The following RASAL2 variants were observed in gnomAD, a reference collection of about 807,000 sequenced individuals.
RASAL2 encodes the protein RAS protein activator like 2.
RASAL2 carries 58 observed loss-of-function variants against 128.9 expected under a neutral mutation model. The observed-to-expected ratio is 0.45, with a 90% CI of 0.36 to 0.56. The LOEUF is 0.56. RASAL2 is among the 20% of genes least tolerant of loss of function. The pLI is 0.00. For missense variants in RASAL2, 1,360 were observed against 1,601.6 expected (o/e 0.85, Z 2.57); for synonymous variants, 561 against 580.8 (o/e 0.97, Z 0.49).
chr1:178,099,668 A>G (rs963134427), intron 1 of RASAL2, among the ~76,000 whole-genome samples: 9 of 152,228 alleles, frequency 5.9e-5, no homozygotes, highest in Admixed American at 2.0e-4. Flanking sequence ...CTGCAGTTAA[A>G]CAAGTGAATA....
At chr1:178,283,521 A>T (rs775258572) in intron 1 of RASAL2, 43 bp from the exon 2 acceptor site, 3 of 1,596,912 alleles carry the variant, frequency 1.9e-6, no homozygotes, top group Non-Finnish European at 2.6e-6. Flanking sequence ...TTACTAAGCA[A>T]GATAATGATT....
chr1:178,419,899 T>C (rs190214166), intron 4 of RASAL2, among the ~76,000 whole-genome samples: 1 of 152,356 alleles, frequency 6.6e-6, no homozygotes, highest in Non-Finnish European at 1.5e-5. Flanking sequence ...CATTCAATAC[T>C]TAATTTTACA....
chr1:178,378,530 G>C (rs796597830), intron 3 of RASAL2, among the ~76,000 whole-genome samples: 5 of 152,034 alleles, frequency 3.3e-5, no homozygotes, highest in African/African-American at 1.2e-4. Context: ...ATAAAAACTG[G>C]CAATAGACCA....
At chr1:178,120,454 T>C (rs1659674937) in intron 1 of RASAL2, among the ~76,000 whole-genome samples, 1 of 152,164 alleles carries the variant, frequency 6.6e-6, no homozygotes. Context: ...GAGGCATAGA[T>C]GGAAGTGGTA....
In RASAL2 at chr1:178,277,297, T is replaced by C. The variant is rs933455536; in HGVS notation, c.203-6267T>C. Among the ~76,000 whole-genome samples the C allele has an allele frequency of 3.9e-5, 6 of 152,046 alleles. No individual in the cohort carries two copies. In the South Asian group the frequency reaches 1.0e-3, roughly 26 times the overall value. The stretch of plus-strand genomic sequence containing the variant: ...CCTCAGCTTCCCAAGTAGCTGGGAC[T>C]ACAGGCACGCACCACCATGCCTGGC... On this transcript the variant is annotated intron_variant, in intron 1 of 17. Coordinates refer to ENST00000367649, the MANE Select transcript of RASAL2 (RefSeq NM_170692.4).
chr1:178,138,713 G>A (rs1660421589), intron 1 of RASAL2, among the ~76,000 whole-genome samples: 1 of 152,114 alleles, frequency 6.6e-6, no homozygotes, highest in Non-Finnish European at 1.5e-5. Flanking sequence ...TAGACATGAA[G>A]TTATATGAAA....
At chr1:178,431,690 A>C (rs1459679305) in intron 5 of RASAL2, among the ~76,000 whole-genome samples, 2 of 151,962 alleles carry the variant, frequency 1.3e-5, no homozygotes, top group Non-Finnish European at 2.9e-5. Context: ...CAAGGACTGT[A>C]AATTATTACA....
intron 1 of RASAL2, among the ~76,000 whole-genome samples, chr1:178,101,586 G>A (rs1225692079): frequency 6.6e-6 from 1 of 152,194 alleles, no homozygotes; most frequent in Admixed American, 6.5e-5. Flanking sequence ...ACATAGATAA[G>A]ATAACAAAAT....
At chr1:178,146,611 G>A (rs2101869938) in intron 1 of RASAL2, among the ~76,000 whole-genome samples, 1 of 152,296 alleles carries the variant, frequency 6.6e-6, no homozygotes, top group South Asian at 2.1e-4. Context: ...GATTGAGCAG[G>A]AAATGTTTAT....
intron 1 of RASAL2, among the ~76,000 whole-genome samples, chr1:178,144,972 G>A (rs536757839): frequency 2.0e-4 from 30 of 152,298 alleles, no homozygotes; most frequent in African/African-American, 7.0e-4. Flanking sequence ...ACCTGATGTA[G>A]TAAGTTTAAC....
chr1:178,411,987 A>G, intron 4 of RASAL2: 1 of 556,744 alleles, frequency 1.8e-6, no homozygotes, highest in Non-Finnish European at 3.3e-6. Flanking sequence ...ACCCACAGGA[A>G]GTGGGGTCGC....
chr1:178,321,298 C>A (rs1402830020), intron 3 of RASAL2, among the ~76,000 whole-genome samples: 1 of 152,014 alleles, frequency 6.6e-6, no homozygotes, highest in African/African-American at 2.4e-5. Flanking sequence ...GTTGGCCAGG[C>A]TAGTCTCGAA....
At chr1:178,297,382 A>G (rs2102260941) in intron 2 of RASAL2, among the ~76,000 whole-genome samples, 1 of 151,658 alleles carries the variant, frequency 6.6e-6, no homozygotes, top group Non-Finnish European at 1.5e-5. Flanking sequence ...CGGGTGGATC[A>G]CCTGAGGTCA....
Position 178,283,667 on chromosome 1 carries a change from G to T in RASAL2, c.306G>T (p.Leu102Phe). The part of the protein sequence containing the change: ...RKYCILTDSQ[L>F]VLLNKEKEIP... ...ATTGCATCCTCACAGACAGCCAGTT[G>T]GTATTGCTCAACAAGGAGAAGGAGG... The change falls in exon 2 of 18, where the codon TTG (leucine) becomes TTT (phenylalanine). Residue 102 changes from leucine (L) to phenylalanine (F), a missense_variant. By Grantham distance (22) the Leu-to-Phe change is conservative. Transcript: ENST00000367649. 1 of 1,613,290 alleles carries T rather than the reference G, an allele frequency of 6.2e-7. No individual in the cohort carries two copies. The highest frequency in any genetic ancestry group is 8.5e-7 in the Non-Finnish European group (1 of 1,179,668).
chr1:178,410,846 G>A (rs1213960749), intron 4 of RASAL2, among the ~76,000 whole-genome samples: 1 of 152,022 alleles, frequency 6.6e-6, no homozygotes, highest in Non-Finnish European at 1.5e-5. Context: ...TGCAAGAATG[G>A]CCATAATTAA....
At chr1:178,241,828 A>C (rs1273379090) in intron 1 of RASAL2, among the ~76,000 whole-genome samples, 1 of 152,208 alleles carries the variant, frequency 6.6e-6, no homozygotes, top group Non-Finnish European at 1.5e-5. Context: ...ACATATATGC[A>C]TGCAAAGAAG....
chr1:178,317,427 T>C (rs1247741322), intron 3 of RASAL2, among the ~76,000 whole-genome samples: 1 of 146,704 alleles, frequency 6.8e-6, no homozygotes, highest in Admixed American at 6.8e-5. Flanking sequence ...GGTCCTGGAC[T>C]CTTTTTGGTT....
intron 1 of RASAL2, among the ~76,000 whole-genome samples, chr1:178,197,480 G>A (rs2101959471): frequency 6.6e-6 from 1 of 151,698 alleles, no homozygotes. Flanking sequence ...GTGGTGGTGT[G>A]CACCTGTAGC....
At chr1:178,296,668 ATTT>A (rs1160539560) in intron 2 of RASAL2, among the ~76,000 whole-genome samples, 45 of 113,704 alleles carry the variant, frequency 4.0e-4, no homozygotes, top group African/African-American at 1.3e-3. Context: ...CCTGGCCTTG[ATTT>A]TTTTTTTTTT....
Sources: gnomAD v4.1 joint callset for allele counts (sites outside exome capture counted in the v4.1 genomes callset) on GRCh38, gnomAD v4.1.1 for gene constraint, MANE v1.5 for transcripts, NCBI Gene and HGNC (gene_info 2026-07-23, HGNC 2026-07-21) for gene names.